Variants in PARP8 observed in about 807,000 individuals in gnomAD.
PARP8 encodes the protein protein mono-ADP-ribosyltransferase PARP8.
Under a neutral mutation model 124.1 loss-of-function variants are expected in PARP8, and 51 were observed. The ratio of observed to expected loss-of-function variants is 0.41; its 90% CI spans 0.33 to 0.52. The LOEUF (loss-of-function observed/expected upper bound fraction) is 0.52, where lower values mean the gene tolerates loss of function less well. Among genes scored for constraint, PARP8 ranks in the 20% least tolerant of loss-of-function variants. PARP8 has a pLI of 0.21. For missense variants in PARP8, 860 were observed against 1,018.9 expected (o/e 0.84, Z 2.12); for synonymous variants, 391 against 361.5 (o/e 1.08, Z -0.93).
At chr5:50,675,982 C>T (rs1232132634) in intron 2 of PARP8, among the ~76,000 whole-genome samples, 5 of 152,284 alleles carry the variant, frequency 3.3e-5, no homozygotes, top group African/African-American at 4.8e-5. Flanking sequence ...TGGCATTTCC[C>T]AAACTGTTTA....
intron 2 of PARP8, among the ~76,000 whole-genome samples, chr5:50,699,965 A>T (rs1753416724): frequency 1.3e-5 from 2 of 152,170 alleles, no homozygotes; most frequent in South Asian, 4.1e-4. Context: ...TGCAAAAAGG[A>T]TAGATAGCAT....
intron 2 of PARP8, among the ~76,000 whole-genome samples, chr5:50,712,911 T>C (rs1448954380): frequency 1.3e-5 from 2 of 151,972 alleles, no homozygotes; most frequent in African/African-American, 4.8e-5. Context: ...TTTTTTTTTA[T>C]TTATGTTAGT....
intron 11 of PARP8, among the ~76,000 whole-genome samples, 181 bp from the exon 12 acceptor site, chr5:50,794,672 G>A (rs930406382): frequency 5.3e-5 from 8 of 152,088 alleles, no homozygotes; most frequent in African/African-American, 1.9e-4. Context: ...CAGGAAAAAT[G>A]GGATTCAAGT....
At chr5:50,743,397 G>T (rs186449353) in intron 2 of PARP8, among the ~76,000 whole-genome samples, 292 of 152,102 alleles carry the variant, frequency 1.9e-3, no homozygotes, top group African/African-American at 6.8e-3. Flanking sequence ...GAACTGAATG[G>T]CATTAAAGTA....
intron 2 of PARP8, among the ~76,000 whole-genome samples, chr5:50,745,257 G>C (rs1443576793): frequency 6.6e-6 from 1 of 152,070 alleles, no homozygotes; most frequent in Non-Finnish European, 1.5e-5. Flanking sequence ...TGTTGGTTTG[G>C]GTCTCAGATA....
intron 2 of PARP8, among the ~76,000 whole-genome samples, chr5:50,733,954 TATAG>T (rs1757239260): frequency 6.6e-6 from 1 of 152,212 alleles, no homozygotes; most frequent in Non-Finnish European, 1.5e-5. Context: ...TTGTCTTATG[TATAG>T]CATTTCCTTA....
intron 2 of PARP8, among the ~76,000 whole-genome samples, chr5:50,734,894 G>A (rs114568320): frequency 1.1e-3 from 173 of 152,176 alleles, no homozygotes; most frequent in African/African-American, 4.1e-3. Context: ...AACCTGCAGT[G>A]CCTAGAAAGG....
At position 50,691,601 on chromosome 5, in the gene PARP8, T is replaced by TG. The variant is rs1309697907; in HGVS notation, c.146+23477dup. Among the ~76,000 whole-genome samples the TG allele has an allele frequency of 2.6e-5, 4 of 152,154 alleles. No individual in the cohort carries two copies. In the East Asian group the frequency reaches 7.7e-4, roughly 29 times the overall value. Reference sequence around the variant, plus strand: ...TACATCCGGAAATCTCCATCAACCTTGTGTTGGTTACACCACATTCCAGAG... The same window carrying TG: ...TACATCCGGAAATCTCCATCAACCTTGGTGTTGGTTACACCACATTCCAGAG... On this transcript the variant is annotated intron_variant, in intron 2 of 25. Coordinates refer to ENST00000281631, the MANE Select transcript of PARP8 (RefSeq NM_024615.4).
chr5:50,753,935 A>G (rs1036502816), intron 3 of PARP8, among the ~76,000 whole-genome samples: 3 of 151,100 alleles, frequency 2.0e-5, no homozygotes, highest in Non-Finnish European at 4.4e-5. Context: ...TGCTTTGCAT[A>G]GTGTTAGAGA....
chr5:50,715,788 G>GA (rs1268186567), intron 2 of PARP8, among the ~76,000 whole-genome samples: 1 of 151,906 alleles, frequency 6.6e-6, no homozygotes, highest in African/African-American at 2.4e-5. Flanking sequence ...GAAACTATTA[G>GA]ATTTTTTACA....
intron 2 of PARP8, among the ~76,000 whole-genome samples, chr5:50,740,831 AG>A (rs1757971435): frequency 1.3e-5 from 2 of 150,498 alleles, no homozygotes; most frequent in Non-Finnish European, 1.5e-5. Context: ...AAAAAAAAAA[AG>A]ATTATATATT....
At chr5:50,776,505 G>A (rs1205280986) in intron 7 of PARP8, among the ~76,000 whole-genome samples, 1 of 152,136 alleles carries the variant, frequency 6.6e-6, no homozygotes, top group African/African-American at 2.4e-5. Flanking sequence ...CTTTAAAAAG[G>A]AATACCTATG....
intron 14 of PARP8, among the ~76,000 whole-genome samples, chr5:50,812,825 T>C (rs1338776651): frequency 6.6e-6 from 1 of 152,198 alleles, no homozygotes; most frequent in Non-Finnish European, 1.5e-5. Flanking sequence ...TAGCCAGTTT[T>C]CCCAGCACCA....
intron 2 of PARP8, among the ~76,000 whole-genome samples, chr5:50,741,249 C>A (rs1287597867): frequency 6.6e-6 from 1 of 152,014 alleles, no homozygotes; most frequent in African/African-American, 2.4e-5. Context: ...TTAATTTAAT[C>A]GAGGTGTTAG....
At chr5:50,784,777 T>C (rs1741060750) in intron 9 of PARP8, among the ~76,000 whole-genome samples, 1 of 152,136 alleles carries the variant, frequency 6.6e-6, no homozygotes, top group African/African-American at 2.4e-5. Context: ...TTGTTGTTTT[T>C]TGTTTGCTTT....
At chr5:50,797,442 T>C (rs1231212278) in intron 14 of PARP8, among the ~76,000 whole-genome samples, 1 of 152,218 alleles carries the variant, frequency 6.6e-6, no homozygotes. Flanking sequence ...ATGTTTCTTA[T>C]TATATTTTTT....
At chr5:50,703,318 C>G (rs914318305) in intron 2 of PARP8, among the ~76,000 whole-genome samples, 2 of 148,882 alleles carry the variant, frequency 1.3e-5, no homozygotes, top group African/African-American at 5.0e-5. Flanking sequence ...AAAAAAAAGT[C>G]TTGTAAAGGC....
chr5:50,797,265 G>A (rs1185396794), intron 14 of PARP8, 32 bp downstream of exon 14: 1 of 1,425,804 alleles, frequency 7.0e-7, no homozygotes, highest in Non-Finnish European at 9.7e-7. Context: ...GTCCGTGTTG[G>A]TTTAGAATAT....
At position 50,845,154 on chromosome 5, in the gene PARP8, G is replaced by T. The variant is rs1211176886; in HGVS notation, c.*3086G>T. 6.6e-6 allele frequency: 1 copy of T among 151,434 alleles called. No individual in the cohort carries two copies. Among genetic ancestry groups the T allele is most frequent in the African/African-American group, 2.4e-5 (1 of 41,292 alleles). 9.4% of individuals were successfully genotyped at this position (151,434 alleles called of 1,614,324 possible). Reference sequence around the variant, plus strand: ...AAATTCCTTCATTTTTCTCCCCTTTGCTAAAAGAAAGAAAATCTATAATAT... The same window carrying T: ...AAATTCCTTCATTTTTCTCCCCTTTTCTAAAAGAAAGAAAATCTATAATAT... On this transcript the variant is annotated 3_prime_UTR_variant, in exon 26 of 26. Transcript: ENST00000281631.
Sources: gnomAD v4.1 joint callset for allele counts (sites outside exome capture counted in the v4.1 genomes callset) on GRCh38, gnomAD v4.1.1 for gene constraint, MANE v1.5 for transcripts, NCBI Gene and HGNC (gene_info 2026-07-23, HGNC 2026-07-21) for gene names.